ANO2: variants seen among roughly 807,000 people sequenced by gnomAD.
ANO2 encodes the protein anoctamin-2.
ANO2 carries 101 observed loss-of-function variants against 124.2 expected under a neutral mutation model. The observed-to-expected ratio is 0.81, with a 90% CI of 0.69 to 0.96. The LOEUF (loss-of-function observed/expected upper bound fraction) is 0.96, where lower values mean the gene tolerates loss of function less well. ANO2 is among the 40% of genes least tolerant of loss of function. The pLI, the probability that ANO2 is intolerant of heterozygous loss-of-function variation, is 0.00. For missense variants in ANO2, 1,293 were observed against 1,274.5 expected (o/e 1.01, Z -0.22); for synonymous variants, 486 against 482.5 (o/e 1.01, Z -0.09).
At chr12:5,933,136 T>C (rs1942499323) in intron 1 of ANO2, among the ~76,000 whole-genome samples, 1 of 152,206 alleles carries the variant, frequency 6.6e-6, no homozygotes. Flanking sequence ...TGGTGTATAG[T>C]GCACACTTCT....
At chr12:5,743,835 G>C (rs962889972) in intron 12 of ANO2, among the ~76,000 whole-genome samples, 1 of 152,120 alleles carries the variant, frequency 6.6e-6, no homozygotes, top group Non-Finnish European at 1.5e-5. Context: ...ACCTAAGTCA[G>C]TGCACCTGCA....
At chr12:5,822,167 A>T (rs1310913702) in intron 7 of ANO2, among the ~76,000 whole-genome samples, 1 of 152,190 alleles carries the variant, frequency 6.6e-6, no homozygotes, top group Non-Finnish European at 1.5e-5. Context: ...TTTGCAAGCA[A>T]GGAGAAATGG....
chr12:5,806,563 G>A (rs1046874211), intron 8 of ANO2, among the ~76,000 whole-genome samples: 15 of 152,186 alleles, frequency 9.9e-5, no homozygotes, highest in East Asian at 1.9e-4. Flanking sequence ...TGGCACTACC[G>A]CATGGCACGT....
chr12:5,635,466 G>GC lies in ANO2; in HGVS notation c.1621-120_1621-119insG. 1.2e-6 allele frequency: 1 copy of GC among 831,402 alleles called. No individual in the cohort carries two copies. Among genetic ancestry groups the GC allele is most frequent in the African/African-American group, 1.8e-5 (1 of 56,818 alleles). The allele number at this position is 831,402 out of a possible 1,614,324, so 51.5% of individuals were successfully genotyped here. On this transcript the variant is annotated intron_variant, in intron 15 of 24. Coordinates refer to ENST00000682330, the MANE Select transcript of ANO2 (RefSeq NM_001364791.2). This position sits in a 1 kb window ranked among gnomAD's most constrained non-coding sequence, Gnocchi z 5.2. Reference sequence around the variant, plus strand: ...TATTATTAATCTGGAATCTTTTGTTGGGTAACAAGGGATTCCAGATATTAT... The same window carrying GC: ...TATTATTAATCTGGAATCTTTTGTTGCGGTAACAAGGGATTCCAGATATTAT...
intron 3 of ANO2, among the ~76,000 whole-genome samples, chr12:5,914,961 G>A (rs1358139877): frequency 2.0e-5 from 3 of 152,188 alleles, no homozygotes; most frequent in Admixed American, 2.0e-4. Context: ...AGTGGGAGGA[G>A]GTGGGCCGAC....
At chr12:5,781,051 T>C (rs1591609010) in intron 10 of ANO2, among the ~76,000 whole-genome samples, 2 of 152,322 alleles carry the variant, frequency 1.3e-5, no homozygotes, top group Admixed American at 1.3e-4. Flanking sequence ...GAACTGAAGA[T>C]ATGGCTCAGG....
chr12:5,783,124 G>A (rs138193777), intron 10 of ANO2, among the ~76,000 whole-genome samples: 22 of 152,214 alleles, frequency 1.4e-4, no homozygotes, highest in African/African-American at 5.1e-4. Context: ...CATGCTCAGG[G>A]GTGCTTAACT....
intron 4 of ANO2, among the ~76,000 whole-genome samples, chr12:5,837,477 C>T (rs1216290372): frequency 9.7e-6 from 1 of 102,962 alleles, no homozygotes. Context: ...TCCCTCCCCC[C>T]TCCCCCCACC....
At chr12:5,682,000 A>G (rs995976964) in intron 14 of ANO2, among the ~76,000 whole-genome samples, 2 of 152,112 alleles carry the variant, frequency 1.3e-5, no homozygotes, top group Non-Finnish European at 2.9e-5. Context: ...TTTCCCTTTC[A>G]ACTTACTTTA....
At chr12:5,708,933 C>T (rs1439471499) in intron 14 of ANO2, among the ~76,000 whole-genome samples, 6 of 152,200 alleles carry the variant, frequency 3.9e-5, no homozygotes. Context: ...TAATTACTTC[C>T]TTGTTTAATG....
intron 10 of ANO2, among the ~76,000 whole-genome samples, chr12:5,791,450 T>C (rs985081111): frequency 5.3e-5 from 8 of 152,184 alleles, no homozygotes; most frequent in African/African-American, 1.7e-4. Flanking sequence ...AGGTCGACTA[T>C]GGTCAGCATG....
intron 3 of ANO2, among the ~76,000 whole-genome samples, chr12:5,918,339 G>A (rs549992482): frequency 6.6e-5 from 10 of 152,260 alleles, no homozygotes; most frequent in African/African-American, 2.4e-4. Context: ...CATGAGGCAT[G>A]AGCCAGGCCA....
intron 10 of ANO2, among the ~76,000 whole-genome samples, chr12:5,796,322 A>T (rs1952846342): frequency 6.6e-6 from 1 of 150,796 alleles, no homozygotes; most frequent in Non-Finnish European, 1.5e-5. Flanking sequence ...CTCCCTGCTC[A>T]CACTCACACA....
chr12:5,798,715 T>C (rs1448735779), intron 10 of ANO2, among the ~76,000 whole-genome samples: 1 of 152,200 alleles, frequency 6.6e-6, no homozygotes, highest in Non-Finnish European at 1.5e-5. Context: ...ACCAGGACCC[T>C]GAAGATCAAA....
intron 19 of ANO2, among the ~76,000 whole-genome samples, chr12:5,610,277 A>C (rs1416308818): frequency 8.5e-6 from 1 of 117,864 alleles, no homozygotes; most frequent in Non-Finnish European, 1.6e-5. Context: ...ATAAATGCAT[A>C]TATTTATACA....
chr12:5,851,859 T>C lies in ANO2; in HGVS notation c.633+2184A>G, dbSNP rs563474183. 7.7e-5 allele frequency: 54 copies of C among 697,964 alleles called. No homozygotes were observed. The East Asian group carries it at 1.4e-3, about 18-fold the overall frequency. 43.2% of individuals were successfully genotyped at this position (697,964 alleles called of 1,614,324 possible). On this transcript the variant is annotated intron_variant, in intron 4 of 24. Coordinates refer to ENST00000682330, the MANE Select transcript of ANO2 (RefSeq NM_001364791.2). ...AAGAGGGAAAATAAGCAAGCGGAGG[T>C]TGAAAAAGGACACACTTTTCCTGTG...
intron 3 of ANO2, among the ~76,000 whole-genome samples, chr12:5,901,044 G>A (rs534140409): frequency 1.3e-5 from 2 of 152,122 alleles, no homozygotes; most frequent in Non-Finnish European, 2.9e-5. Context: ...TCCCATTCCC[G>A]ACACGCTTTG....
intron 3 of ANO2, among the ~76,000 whole-genome samples, chr12:5,913,593 C>T (rs1005291293): frequency 7.9e-5 from 12 of 152,180 alleles, no homozygotes; most frequent in Admixed American, 2.6e-4. Context: ...TGGTTCTCCT[C>T]GGGATGACAA....
intron 3 of ANO2, 51 bp downstream of exon 3, chr12:5,920,989 G>A: frequency 1.3e-6 from 2 of 1,558,742 alleles, no homozygotes; most frequent in Non-Finnish European, 1.7e-6. Context: ...TAGGAGCCCG[G>A]TTCTGTGGTG....
Sources: allele counts gnomAD v4.1 joint callset (sites outside exome capture counted in the v4.1 genomes callset), GRCh38; gene constraint gnomAD v4.1.1; non-coding constraint Gnocchi (gnomAD v3.1); transcripts MANE v1.5; gene names NCBI Gene and HGNC (gene_info 2026-07-23, HGNC 2026-07-21).